PYY: variants seen among roughly 807,000 people sequenced by gnomAD.
PYY encodes the protein peptide tyrosine tyrosine.
PYY carries 12 observed loss-of-function variants against 10.3 expected under a neutral mutation model. The observed-to-expected ratio is 1.17, with a 90% CI of 0.75 to 1.89. The LOEUF (loss-of-function observed/expected upper bound fraction) is 1.89. Ranked by LOEUF, PYY falls within the 40% of genes most tolerant of loss-of-function variation. The pLI is 0.00. For synonymous variants in PYY, 66 were observed against 62.0 expected (o/e 1.06, Z -0.30); for missense variants, 141 against 134.0 (o/e 1.05, Z -0.26).
intron 2 of PYY, among the ~76,000 whole-genome samples, chr17:43,965,789 C>CAAA (rs67609128): frequency 0.017 from 532 of 31,894 alleles, 38 homozygotes; most frequent in African/African-American, 0.037. Context: ...ATCCATCTCA[C>CAAA]AAAAAAAAAA....
intron 1 of PYY, among the ~76,000 whole-genome samples, chr17:43,981,688 C>T (rs867675692): frequency 6.6e-6 from 1 of 152,110 alleles, no homozygotes; most frequent in Non-Finnish European, 1.5e-5. Flanking sequence ...CGGGGTTTCA[C>T]CATGTTGGCC....
At chr17:43,998,950 G>A (rs1329962797) in intron 1 of PYY, among the ~76,000 whole-genome samples, 2 of 152,250 alleles carry the variant, frequency 1.3e-5, no homozygotes, top group East Asian at 3.9e-4. Flanking sequence ...AGAATGGTCT[G>A]GGCTGAAATT....
intron 1 of PYY, among the ~76,000 whole-genome samples, chr17:43,979,297 C>T (rs995749122): frequency 6.6e-6 from 1 of 152,198 alleles, no homozygotes; most frequent in South Asian, 2.1e-4. Flanking sequence ...TTAAGCCCTC[C>T]AAGTGATTCT....
chr17:43,973,308 TGG>T (rs1437188038), intron 1 of PYY, among the ~76,000 whole-genome samples: 1 of 152,164 alleles, frequency 6.6e-6, no homozygotes, highest in African/African-American at 2.4e-5. Flanking sequence ...GGAGAGTCTC[TGG>T]GGTTTGTGCC....
intron 1 of PYY, among the ~76,000 whole-genome samples, chr17:44,000,643 C>T (rs1424272541): frequency 1.3e-5 from 2 of 150,434 alleles, no homozygotes; most frequent in Non-Finnish European, 3.0e-5. Flanking sequence ...CTTGGCTCAC[C>T]GCGACCTCCA....
intron 1 of PYY, among the ~76,000 whole-genome samples, chr17:44,002,369 C>T (rs1239941156): frequency 6.6e-6 from 1 of 152,164 alleles, no homozygotes; most frequent in Admixed American, 6.5e-5. Context: ...GACAAAACCA[C>T]GTGCAAGAAA....
chr17:43,973,522 G>A (rs920405123), intron 1 of PYY, among the ~76,000 whole-genome samples: 26 of 152,198 alleles, frequency 1.7e-4, no homozygotes, highest in Admixed American at 8.5e-4. Flanking sequence ...AGCTGGGCGT[G>A]GTTGCTCACG....
chr17:43,956,964 C>T (rs2143891949), upstream of PYY, among the ~76,000 whole-genome samples: 1 of 152,180 alleles, frequency 6.6e-6, no homozygotes, highest in African/African-American at 2.4e-5. Context: ...CTTTGGGAGG[C>T]CAAGGTGAGT....
At chr17:43,973,876 G>A (rs984294472) in intron 1 of PYY, among the ~76,000 whole-genome samples, 1 of 152,080 alleles carries the variant, frequency 6.6e-6, no homozygotes, top group African/African-American at 2.4e-5. Context: ...CTTGAGCCTG[G>A]TCACGAAGGG....
At chr17:43,976,784 T>TAAAAAC (rs1267003926) in intron 1 of PYY, among the ~76,000 whole-genome samples, 1 of 151,906 alleles carries the variant, frequency 6.6e-6, no homozygotes, top group Admixed American at 6.6e-5. Context: ...ACCAAAAACA[T>TAAAAAC]AAAAACAAAA....
upstream of PYY, among the ~76,000 whole-genome samples, chr17:43,958,625 C>T (rs1214779281): frequency 6.6e-6 from 1 of 152,228 alleles, no homozygotes; most frequent in Non-Finnish European, 1.5e-5. Context: ...AGTGATCCGC[C>T]TGCCTTGGCC....
chr17:43,959,625 T>A (rs779703387), intron 2 of PYY, among the ~76,000 whole-genome samples: 23 of 152,228 alleles, frequency 1.5e-4, no homozygotes, highest in Non-Finnish European at 2.4e-4. Flanking sequence ...GAGATTGTAA[T>A]GAGCCAAGAT....
At chr17:43,999,476 G>A (rs1169911573) in intron 1 of PYY, among the ~76,000 whole-genome samples, 4 of 152,016 alleles carry the variant, frequency 2.6e-5, no homozygotes, top group African/African-American at 4.8e-5. Flanking sequence ...GGGCACGGTC[G>A]CTCACGCCTG....
chr17:43,969,942 C>T (rs2048779597), intron 1 of PYY, among the ~76,000 whole-genome samples: 1 of 151,718 alleles, frequency 6.6e-6, no homozygotes, highest in Admixed American at 6.6e-5. Flanking sequence ...TGGGATTTCA[C>T]CATATTGTCC....
chr17:44,002,667 TG>T (rs1253177560), intron 1 of PYY, among the ~76,000 whole-genome samples: 1 of 152,264 alleles, frequency 6.6e-6, no homozygotes, highest in Non-Finnish European at 1.5e-5. Flanking sequence ...AGCATGGATC[TG>T]GAGCAGAACT....
chr17:43,990,608 G>A (rs1007525810), intron 1 of PYY, among the ~76,000 whole-genome samples: 2 of 151,916 alleles, frequency 1.3e-5, no homozygotes, highest in Middle Eastern at 3.4e-3. Context: ...ACATGCAATC[G>A]GGAGATACAA....
At chr17:44,001,368 C>T (rs1300787435) in intron 1 of PYY, among the ~76,000 whole-genome samples, 1 of 152,158 alleles carries the variant, frequency 6.6e-6, no homozygotes, top group Non-Finnish European at 1.5e-5. Flanking sequence ...TGACAACAGG[C>T]TCTGCTCTAA....
chr17:43,957,912 G>A (rs1313084964), upstream of PYY: 3 of 154,560 alleles, frequency 1.9e-5, no homozygotes, highest in Non-Finnish European at 4.4e-5. Flanking sequence ...TATGGTAGGA[G>A]CTCTCCTAGG....
At chr17:44,002,014 G>A (rs1293581797) in intron 1 of PYY, among the ~76,000 whole-genome samples, 1 of 152,194 alleles carries the variant, frequency 6.6e-6, no homozygotes, top group African/African-American at 2.4e-5. Context: ...GTGTGGCCGG[G>A]CCTGAGAGTA....
Sources: gnomAD v4.1 joint callset for allele counts (sites outside exome capture counted in the v4.1 genomes callset) on GRCh38, gnomAD v4.1.1 for gene constraint, MANE v1.5 for transcripts, NCBI Gene and HGNC (gene_info 2026-07-23, HGNC 2026-07-21) for gene names.